SMAD1: variants seen among roughly 807,000 people sequenced by gnomAD.
The protein encoded by SMAD1 is MAD, mothers against decapentaplegic homolog 1.
SMAD1 carries 6 observed loss-of-function variants against 41.6 expected under a neutral mutation model. That is an observed-to-expected ratio of 0.14 (90% CI 0.08 to 0.28). The LOEUF is 0.28. Ranked by LOEUF, SMAD1 falls within the 10% of genes least tolerant of loss-of-function variation. The pLI is 1.00. For missense variants in SMAD1, 379 were observed against 582.6 expected (o/e 0.65, Z 3.60); for synonymous variants, 206 against 203.2 (o/e 1.01, Z -0.12).
chr4:145,535,000 G>A (rs1195768497), intron 2 of SMAD1, among the ~76,000 whole-genome samples: 3 of 151,910 alleles, frequency 2.0e-5, no homozygotes, highest in Non-Finnish European at 2.9e-5. Flanking sequence ...TCTCTAGTAT[G>A]TTGTTTTTTT....
intron 1 of SMAD1, among the ~76,000 whole-genome samples, chr4:145,488,275 A>G (rs1728587669): frequency 1.3e-5 from 2 of 152,166 alleles, no homozygotes; most frequent in Non-Finnish European, 2.9e-5. Context: ...ATGAATATTC[A>G]CTAGGTCCTG....
In SMAD1 at chr4:145,514,523, C is replaced by T; in HGVS notation, c.-91C>T. On this transcript the variant is annotated 5_prime_UTR_variant, in exon 2 of 7. Coordinates refer to ENST00000302085, the MANE Select transcript of SMAD1 (RefSeq NM_005900.3). This position sits in a 1 kb window ranked among gnomAD's most constrained non-coding sequence, Gnocchi z 4.7. The stretch of plus-strand genomic sequence containing the variant: ...AAACTAAGAAGTTAAAGAGACTTCT[C>T]TGTAAATAAACAAATCTCTTCTGCT... 2.4e-6 allele frequency: 3 copies of T among 1,240,904 alleles called. No individual in the cohort carries two copies. Among genetic ancestry groups the T allele is most frequent in the Middle Eastern group, 2.4e-4 (1 of 4,134 alleles). 76.9% of individuals were successfully genotyped at this position (1,240,904 alleles called of 1,614,324 possible). A position where few individuals can be genotyped will look rare whatever the true frequency, so the allele number is the denominator to read the frequency against.
rs1332978551 is a variant in SMAD1, at chr4:145,518,556, T to C, written c.400+3543T>C. ...ACACTGCCAGAATTGAAGCCCTCTA[T>C]AAAGCCGTACAGAGTACACCTGGGT... On this transcript the variant is annotated intron_variant, in intron 2 of 6. Coordinates refer to ENST00000302085, the MANE Select transcript of SMAD1 (RefSeq NM_005900.3). Among the ~76,000 whole-genome samples the C allele has an allele frequency of 1.6e-5, 2 of 124,518 alleles. 1 individual carries two copies. The highest frequency in any genetic ancestry group is 3.9e-5 in the Non-Finnish European group (2 of 50,812). 81.7% of individuals were successfully genotyped at this position (124,518 alleles called of 152,430 possible). A position where few individuals can be genotyped will look rare whatever the true frequency, so the allele number is the denominator to read the frequency against.
At chr4:145,496,311 C>T (rs1425784160) in intron 1 of SMAD1, among the ~76,000 whole-genome samples, 1 of 152,074 alleles carries the variant, frequency 6.6e-6, no homozygotes, top group Non-Finnish European at 1.5e-5. Flanking sequence ...AGAGAGGTTA[C>T]CTTGGCAGGT....
chr4:145,497,885 T>C (rs1729182426), intron 1 of SMAD1: 1 of 152,248 alleles, frequency 6.6e-6, no homozygotes. Context: ...TTGCTGCTAT[T>C]TGTTCAGTTT....
At chr4:145,484,143 AG>A (rs1440500696) in intron 1 of SMAD1, among the ~76,000 whole-genome samples, 5 of 152,336 alleles carry the variant, frequency 3.3e-5, no homozygotes, top group African/African-American at 1.2e-4. Context: ...GATTGGAAAA[AG>A]AAGTAGCTTG....
chr4:145,549,093 T>G (rs1367529343), intron 5 of SMAD1, among the ~76,000 whole-genome samples: 1 of 152,072 alleles, frequency 6.6e-6, no homozygotes, highest in Non-Finnish European at 1.5e-5. Flanking sequence ...TCTTTCAAAA[T>G]ATCAATGTGA....
chr4:145,519,437 G>C (rs1730611764), intron 2 of SMAD1, among the ~76,000 whole-genome samples: 2 of 150,510 alleles, frequency 1.3e-5, no homozygotes, highest in South Asian at 4.2e-4. Flanking sequence ...TTTTTGGTGA[G>C]TACATTTAAA....
Position 145,537,806 on chromosome 4 carries a change from G to A in SMAD1, c.401-1998G>A, listed in dbSNP as rs943411644. On this transcript the variant is annotated intron_variant, in intron 2 of 6. Transcript: ENST00000302085. ...CACTGCCCCCATCTGCAAGTAGTAG[G>A]AACAAGTAAGTCCCCAGTTCTAAAA... 2.0e-5 allele frequency among the ~76,000 whole-genome samples: 3 copies of A among 152,256 alleles called. No individual in the cohort carries two copies. In the South Asian group the frequency reaches 6.2e-4, roughly 32 times the overall value.
rs1730268914 is a variant in SMAD1, at chr4:145,514,587, C to T, written c.-27C>T. The T allele has an allele frequency of 6.5e-7, 1 of 1,547,898 alleles. No individual in the cohort carries two copies. Among genetic ancestry groups the T allele is most frequent in the Non-Finnish European group, 8.7e-7 (1 of 1,149,832 alleles). On this transcript the variant is annotated 5_prime_UTR_variant, in exon 2 of 7. Coordinates refer to ENST00000302085, the MANE Select transcript of SMAD1 (RefSeq NM_005900.3). This position sits in a 1 kb window ranked among gnomAD's most constrained non-coding sequence, Gnocchi z 4.7. ...TGGAGACAGCTTTATTTCACCATAT[C>T]CAAGGAGTATAACTAGTGCTGTCAT...
At chr4:145,551,331 AC>A (rs1732545416) in intron 5 of SMAD1, among the ~76,000 whole-genome samples, 1 of 152,232 alleles carries the variant, frequency 6.6e-6, no homozygotes, top group South Asian at 2.1e-4. Flanking sequence ...ATATATGCAA[AC>A]AGATTAATGA....
Position 145,492,910 on chromosome 4 carries a change from G to T in SMAD1, c.-177+10872G>T, listed in dbSNP as rs1728852268. ...TGCCCATAAGGGGATGAGTCTGCTG[G>T]TTATTGGTAGGATCCTTACCTAACT... On this transcript the variant is annotated intron_variant, in intron 1 of 6. Coordinates refer to ENST00000302085, the MANE Select transcript of SMAD1 (RefSeq NM_005900.3). Among the ~76,000 whole-genome samples the T allele has an allele frequency of 2.0e-5, 3 of 152,184 alleles. No homozygotes were observed. In the South Asian group the frequency reaches 6.2e-4, roughly 32 times the overall value.
chr4:145,527,934 C>T (rs1036681590), intron 2 of SMAD1, among the ~76,000 whole-genome samples: 7 of 151,430 alleles, frequency 4.6e-5, no homozygotes, highest in Non-Finnish European at 8.8e-5. Flanking sequence ...AACCTTGGCT[C>T]ACTGCAACTT....
intron 1 of SMAD1, among the ~76,000 whole-genome samples, chr4:145,508,630 G>GA (rs1202534310): frequency 6.6e-6 from 1 of 151,954 alleles, no homozygotes; most frequent in Admixed American, 6.6e-5. Context: ...TTTTCTCTTG[G>GA]AAAAAAATGT....
chr4:145,513,999 G>A (rs921155045), intron 1 of SMAD1, among the ~76,000 whole-genome samples: 1 of 152,100 alleles, frequency 6.6e-6, no homozygotes, highest in Non-Finnish European at 1.5e-5. Context: ...TCATAGACTG[G>A]GTGGCTTAAA....
In SMAD1 at chr4:145,558,489, T is replaced by C. The variant is rs1732968646; in HGVS notation, c.*555T>C. ...TCTTTCTAAAATTGTATGCTGACCATACTTGCTGTCAGAATAATGCTAGGC... is the reference window on the plus strand; with the variant it reads ...TCTTTCTAAAATTGTATGCTGACCACACTTGCTGTCAGAATAATGCTAGGC... On this transcript the variant is annotated 3_prime_UTR_variant, in exon 7 of 7. Transcript: ENST00000302085. 6.6e-6 allele frequency among the ~76,000 whole-genome samples: 1 copy of C among 152,246 alleles called. No homozygotes were observed. The highest frequency in any genetic ancestry group is 2.4e-5 in the African/African-American group (1 of 41,472).
chr4:145,494,864 G>C (rs1728979020), intron 1 of SMAD1, among the ~76,000 whole-genome samples: 1 of 152,164 alleles, frequency 6.6e-6, no homozygotes, highest in African/African-American at 2.4e-5. Context: ...GTTAAGTTCT[G>C]AGGATTGACT....
chr4:145,513,122 T>TTA (rs1406234864), intron 1 of SMAD1: 1 of 152,260 alleles, frequency 6.6e-6, no homozygotes, highest in Non-Finnish European at 1.5e-5. Context: ...AGCCTCTTAG[T>TTA]TACCTCTTTC....
intron 5 of SMAD1, among the ~76,000 whole-genome samples, chr4:145,547,346 C>T (rs923605738): frequency 6.6e-6 from 1 of 152,066 alleles, no homozygotes; most frequent in Non-Finnish European, 1.5e-5. Flanking sequence ...CAAGGTGGCA[C>T]GATAGAACCC....
Sources: gnomAD v4.1 joint callset for allele counts (sites outside exome capture counted in the v4.1 genomes callset) on GRCh38, gnomAD v4.1.1 for gene constraint, Gnocchi (gnomAD v3.1) non-coding constraint, MANE v1.5 for transcripts, NCBI Gene and HGNC (gene_info 2026-07-23, HGNC 2026-07-21) for gene names.